Variants in PLCB1 observed in about 807,000 individuals in gnomAD.
PLCB1 encodes phospholipase C beta 1, also known as 1-phosphatidylinositol 4,5-bisphosphate phosphodiesterase beta-1.
Under a neutral mutation model 161.8 loss-of-function variants are expected in PLCB1, and 46 were observed. The ratio of observed to expected loss-of-function variants is 0.28; its 90% CI spans 0.22 to 0.36. PLCB1 has a LOEUF of 0.36. Ranked by LOEUF, PLCB1 falls within the 10% of genes least tolerant of loss-of-function variation. The probability of loss-of-function intolerance (pLI) is 1.00; values close to 1 mark genes in which losing one functional copy is unlikely to be tolerated. For synonymous variants in PLCB1, 517 were observed against 503.7 expected, an observed-to-expected ratio of 1.03 and a Z score of -0.35; for missense variants, 1,016 against 1,472.5, an observed-to-expected ratio of 0.69 and a Z score of 5.07.
At chr20:8,522,546 C>T (rs569977192) in intron 3 of PLCB1, among the ~76,000 whole-genome samples, 6 of 152,034 alleles carry the variant, frequency 3.9e-5, no homozygotes, top group African/African-American at 9.7e-5. Flanking sequence ...CAGAATGCAA[C>T]GCCCTTTTCT....
intron 7 of PLCB1, chr20:8,651,435 C>G (rs373719951): frequency 1.4e-6 from 1 of 725,900 alleles, no homozygotes; most frequent in Non-Finnish European, 2.6e-6. Context: ...AATGAGGCTG[C>G]GAAAAGTGAG....
chr20:8,326,720 G>T (rs969153648), intron 2 of PLCB1, among the ~76,000 whole-genome samples: 4 of 152,122 alleles, frequency 2.6e-5, no homozygotes, highest in Admixed American at 6.5e-5. Flanking sequence ...ATGCCAGATT[G>T]CATCCTCACT....
rs151275595 is a variant in PLCB1, at chr20:8,625,888, A to G, written c.247-2406A>G. Among the ~76,000 whole-genome samples the G allele has an allele frequency of 1.9e-3, 296 of 152,266 alleles. 3 individuals are homozygous for G. The highest frequency in any genetic ancestry group is 6.8e-3 in the African/African-American group (281 of 41,552). On this transcript the variant is annotated intron_variant, in intron 3 of 31. Transcript: ENST00000338037. ...ATTATAAATTTCTAATTATATAAAGACCAATAGTCTTTTAAAAAATATAAA... is the reference window on the plus strand; with the variant it reads ...ATTATAAATTTCTAATTATATAAAGGCCAATAGTCTTTTAAAAAATATAAA...
At chr20:8,355,202 A>G (rs765527517) in intron 2 of PLCB1, among the ~76,000 whole-genome samples, 13 of 152,094 alleles carry the variant, frequency 8.5e-5, no homozygotes, top group Non-Finnish European at 1.5e-4. Context: ...ACTTTCTATG[A>G]TCAGAGATAG....
intron 2 of PLCB1, among the ~76,000 whole-genome samples, chr20:8,304,381 C>G (rs1984034562): frequency 6.6e-6 from 1 of 152,032 alleles, no homozygotes; most frequent in Admixed American, 6.6e-5. Context: ...CTACCCCCTT[C>G]TAAGAGAAGC....
chr20:8,249,531 TG>T (rs1172235686), intron 2 of PLCB1: 1 of 151,992 alleles, frequency 6.6e-6, no homozygotes, highest in Non-Finnish European at 1.5e-5. Flanking sequence ...CCTTAAATCA[TG>T]AATGGTGGCA....
intron 15 of PLCB1, 108 bp downstream of exon 15, chr20:8,722,529 C>G: frequency 1.5e-6 from 1 of 646,784 alleles, no homozygotes; most frequent in Non-Finnish European, 2.5e-6. Context: ...TAGATTTGTG[C>G]CTTCCAATTG....
intron 3 of PLCB1, among the ~76,000 whole-genome samples, chr20:8,508,215 A>T (rs1293121624): frequency 6.6e-6 from 1 of 152,174 alleles, no homozygotes; most frequent in Admixed American, 6.5e-5. Context: ...ATGTATAGAA[A>T]AGGGAAAATA....
At chr20:8,590,591 T>A (rs1987119008) in intron 3 of PLCB1, among the ~76,000 whole-genome samples, 1 of 152,130 alleles carries the variant, frequency 6.6e-6, no homozygotes, top group Admixed American at 6.5e-5. Context: ...TTGGCTAAGA[T>A]CAAGGTGCCA....
In PLCB1 at chr20:8,600,358, C is replaced by T. The variant is rs1420456298; in HGVS notation, c.247-27936C>T. The stretch of plus-strand genomic sequence containing the variant: ...CTACAGGTCAGTTGGAATACCCTGC[C>T]GTGTGAGGTGTCAGTGTGCCCCTGC... On this transcript the variant is annotated intron_variant, in intron 3 of 31. Transcript: ENST00000338037. 1.9e-4 allele frequency among the ~76,000 whole-genome samples: 20 copies of T among 104,374 alleles called. 2 individuals are homozygous for T. Among genetic ancestry groups the T allele is most frequent in the Non-Finnish European group, 2.2e-4 (11 of 48,894 alleles). The allele number at this position is 104,374 out of a possible 152,430, so 68.5% of individuals were successfully genotyped here. A position where few individuals can be genotyped will look rare whatever the true frequency, so the allele number is the denominator to read the frequency against.
chr20:8,582,442 C>T (rs917995113), intron 3 of PLCB1, among the ~76,000 whole-genome samples: 1 of 152,160 alleles, frequency 6.6e-6, no homozygotes, highest in African/African-American at 2.4e-5. Context: ...ACCATTCATA[C>T]TCCAGAACTC....
chr20:8,464,479 T>G (rs948035101), intron 3 of PLCB1, among the ~76,000 whole-genome samples: 2 of 152,158 alleles, frequency 1.3e-5, no homozygotes, highest in African/African-American at 4.8e-5. Flanking sequence ...TCTAAATCAC[T>G]TTTTCATAAC....
intron 3 of PLCB1, among the ~76,000 whole-genome samples, chr20:8,558,759 G>A (rs1361427417): frequency 1.3e-5 from 2 of 151,840 alleles, no homozygotes; most frequent in Non-Finnish European, 2.9e-5. Context: ...AGAAACAATG[G>A]AGGCAAGATA....
intron 27 of PLCB1, among the ~76,000 whole-genome samples, chr20:8,777,100 G>T (rs1982980244): frequency 6.6e-6 from 1 of 152,150 alleles, no homozygotes; most frequent in Non-Finnish European, 1.5e-5. Flanking sequence ...CAGTGGCTCT[G>T]CCTGAAGAGG....
chr20:8,830,144 G>A (rs944524473), intron 31 of PLCB1, among the ~76,000 whole-genome samples: 6 of 152,190 alleles, frequency 3.9e-5, no homozygotes, highest in Admixed American at 1.3e-4. Context: ...AGAGATGTGT[G>A]AGTAGGAATG....
At chr20:8,250,954 T>G (rs920486816) in intron 2 of PLCB1, among the ~76,000 whole-genome samples, 3 of 152,028 alleles carry the variant, frequency 2.0e-5, no homozygotes, top group Non-Finnish European at 2.9e-5. Context: ...TGTCTTGGTC[T>G]GTTCAGACTG....
chr20:8,555,726 A>G lies in PLCB1; in HGVS notation c.247-72568A>G, dbSNP rs536319977. ...GTAGAATATGGCATGTGCTCTTATC[A>G]TAAATATTACAGGAGCTATTTGTTT... On this transcript the variant is annotated intron_variant, in intron 3 of 31. Transcript: ENST00000338037. 5.9e-5 allele frequency among the ~76,000 whole-genome samples: 9 copies of G among 152,238 alleles called. No individual in the cohort carries two copies. In the South Asian group the frequency reaches 1.2e-3, roughly 21 times the overall value.
intron 3 of PLCB1, among the ~76,000 whole-genome samples, chr20:8,511,752 T>C (rs1226835870): frequency 6.6e-6 from 1 of 152,224 alleles, no homozygotes; most frequent in African/African-American, 2.4e-5. Context: ...GTTGTTTTAA[T>C]TTTAATTTCT....
At chr20:8,168,405 T>A (rs769723323) in intron 2 of PLCB1, among the ~76,000 whole-genome samples, 9 of 152,144 alleles carry the variant, frequency 5.9e-5, no homozygotes, top group Non-Finnish European at 1.3e-4. Context: ...CCTGGACAAT[T>A]GTGTTAATTA....
Sources: allele counts gnomAD v4.1 joint callset (sites outside exome capture counted in the v4.1 genomes callset), GRCh38; gene constraint gnomAD v4.1.1; transcripts MANE v1.5; gene names NCBI Gene and HGNC (gene_info 2026-07-23, HGNC 2026-07-21).